The following CACNA1E variants were observed in gnomAD, a reference collection of about 807,000 sequenced individuals.
CACNA1E encodes voltage-dependent R-type calcium channel subunit alpha-1E.
In CACNA1E, 40 loss-of-function variants were observed where a neutral mutation model predicts 259.2. That is an observed-to-expected ratio of 0.15 (90% CI 0.12 to 0.20). The LOEUF (loss-of-function observed/expected upper bound fraction) is 0.20, where lower values mean the gene tolerates loss of function less well. CACNA1E is among the 10% of genes least tolerant of loss of function. The probability of loss-of-function intolerance (pLI) is 1.00; values close to 1 mark genes in which losing one functional copy is unlikely to be tolerated. For synonymous variants in CACNA1E, 1,104 were observed against 1,138.5 expected, an observed-to-expected ratio of 0.97 and a Z score of 0.61; for missense variants, 1,874 against 3,040.1, an observed-to-expected ratio of 0.62 and a Z score of 9.02.
At chr1:181,514,285 A>G (rs1211200231) in intron 3 of CACNA1E, among the ~76,000 whole-genome samples, 1 of 152,216 alleles carries the variant, frequency 6.6e-6, no homozygotes, top group African/African-American at 2.4e-5. Flanking sequence ...TCTTAGTGCT[A>G]CATAAAATTA....
chr1:181,500,926 G>A (rs1354842077), intron 1 of CACNA1E, among the ~76,000 whole-genome samples: 1 of 152,112 alleles, frequency 6.6e-6, no homozygotes, highest in East Asian at 1.9e-4. Flanking sequence ...TATGAAGTGG[G>A]GTGTAGTCTT....
At chr1:181,603,321 G>T (rs1653913316) in intron 6 of CACNA1E, among the ~76,000 whole-genome samples, 1 of 152,142 alleles carries the variant, frequency 6.6e-6, no homozygotes, top group African/African-American at 2.4e-5. Context: ...GAAAACCAAG[G>T]CTGCCTGTCT....
At chr1:181,681,499 C>T (rs952778597) in intron 7 of CACNA1E, among the ~76,000 whole-genome samples, 8 of 152,204 alleles carry the variant, frequency 5.3e-5, no homozygotes, top group African/African-American at 1.9e-4. Flanking sequence ...TCCTGTCACA[C>T]CCAGGTTTCT....
intron 7 of CACNA1E, among the ~76,000 whole-genome samples, chr1:181,652,654 A>G (rs972858553): frequency 6.6e-6 from 1 of 152,194 alleles, no homozygotes; most frequent in African/African-American, 2.4e-5. Context: ...GAGCTGGGGT[A>G]GGCGTGGTGC....
intron 6 of CACNA1E, among the ~76,000 whole-genome samples, chr1:181,619,937 T>A (rs1307780475): frequency 6.6e-6 from 1 of 151,988 alleles, no homozygotes; most frequent in Non-Finnish European, 1.5e-5. Context: ...AAGTTGGAGG[T>A]GGCTACTAGA....
intron 3 of CACNA1E, among the ~76,000 whole-genome samples, chr1:181,563,783 A>G (rs1472623427): frequency 1.3e-5 from 2 of 152,196 alleles, no homozygotes; most frequent in Non-Finnish European, 2.9e-5. Flanking sequence ...TTTTTCATGT[A>G]CAAGGATACC....
In CACNA1E at chr1:181,673,232, G is replaced by A. The variant is rs990928652; in HGVS notation, c.1055+21791G>A. On this transcript the variant is annotated intron_variant, in intron 7 of 47. Transcript: ENST00000367573. Reference sequence around the variant, plus strand: ...TGTATGTATATGAGTATGTGTGTGTGTGTGTGTGTGTATTTTTCCCCCATC... The same window carrying A: ...TGTATGTATATGAGTATGTGTGTGTATGTGTGTGTGTATTTTTCCCCCATC... Among the ~76,000 whole-genome samples, 42 of 152,014 alleles carry A rather than the reference G, an allele frequency of 2.8e-4. No individual in the cohort carries two copies. The South Asian group carries it at 8.5e-3, about 31-fold the overall frequency.
chr1:181,770,315 G>C (rs541275361), intron 35 of CACNA1E, among the ~76,000 whole-genome samples: 1 of 152,304 alleles, frequency 6.6e-6, no homozygotes, highest in Admixed American at 6.5e-5. Flanking sequence ...TGGGGAAGGA[G>C]GGTGCATGTG....
Position 181,783,729 on chromosome 1 carries a change from C to T in CACNA1E, c.5415C>T (p.Phe1805=). The change falls in exon 40 of 48, where the codon TTC becomes TTT. Residue 1805 remains phenylalanine, a synonymous_variant. Transcript: ENST00000367573. ...MPVAEDMTVH[F]TSTLMALIRT... ...TAGCTGAGGACATGACGGTCCACTTCACCTCCACACTTATGGCTCTGATCC... is the reference window on the plus strand; with the variant it reads ...TAGCTGAGGACATGACGGTCCACTTTACCTCCACACTTATGGCTCTGATCC... 1 of 1,612,980 alleles carries T rather than the reference C, an allele frequency of 6.2e-7. No homozygotes were observed. Among genetic ancestry groups the T allele is most frequent in the Non-Finnish European group, 8.5e-7 (1 of 1,179,526 alleles).
At position 181,377,515 on chromosome 1, in the gene CACNA1E, A is replaced by G. The variant is rs532892855; in HGVS notation, c.-14-35618A>G. 3.9e-5 allele frequency among the ~76,000 whole-genome samples: 6 copies of G among 152,282 alleles called. No homozygotes were observed. The East Asian group carries it at 9.6e-4, about 24-fold the overall frequency. ...TATGTGGGGAGCCATCAGGGGTTTT[A>G]CAGCAGGGATGAAATAGGATAAAAC... On this transcript the variant is annotated intron_variant, in intron 1 of 11. Coordinates refer to the CACNA1E transcript ENST00000524607.
chr1:181,500,600 G>A (rs1382511963), intron 1 of CACNA1E, among the ~76,000 whole-genome samples: 1 of 152,218 alleles, frequency 6.6e-6, no homozygotes, highest in Admixed American at 6.5e-5. Flanking sequence ...TGGGTACTCT[G>A]CACATTGGGT....
chr1:181,620,743 G>A (rs1655649206), intron 6 of CACNA1E, among the ~76,000 whole-genome samples: 1 of 152,218 alleles, frequency 6.6e-6, no homozygotes, highest in Admixed American at 6.5e-5. Flanking sequence ...GCATGAAATA[G>A]TTCATATGAG....
At chr1:181,660,991 G>A (rs548178492) in intron 7 of CACNA1E, among the ~76,000 whole-genome samples, 1 of 152,324 alleles carries the variant, frequency 6.6e-6, no homozygotes, top group South Asian at 2.1e-4. Flanking sequence ...TCTAGGAAGA[G>A]ATAGCAACAG....
intron 1 of CACNA1E, among the ~76,000 whole-genome samples, chr1:181,372,824 A>AT (rs1457214737): frequency 9.5e-4 from 123 of 129,486 alleles, no homozygotes; most frequent in African/African-American, 3.7e-3. Context: ...ATATATATAT[A>AT]TATATTTTTT....
rs1558377907 is a variant in CACNA1E at position 181,776,078 on chromosome 1, C to T, written c.5140-23C>T. ...CTCTGCTTTAGGTTTCCCCTAACCC[C>T]TCTTCTTCCCCTTGCCCTTCAGATG... On this transcript the variant is annotated intron_variant, in intron 37 of 47. Transcript: ENST00000367573. The surrounding 1 kb of genome is among the most constrained non-coding windows in gnomAD (Gnocchi z 4.4). The T allele has an allele frequency of 3.7e-6, 6 of 1,606,970 alleles. No individual in the cohort carries two copies. Among genetic ancestry groups the T allele is most frequent in the Non-Finnish European group, 5.1e-6 (6 of 1,175,880 alleles).
chr1:181,396,688 GC>G (rs1234866183), intron 1 of CACNA1E, among the ~76,000 whole-genome samples: 1 of 152,216 alleles, frequency 6.6e-6, no homozygotes, highest in African/African-American at 2.4e-5. Context: ...AATTGCTGGA[GC>G]CTGGTCCTGA....
intron 6 of CACNA1E, among the ~76,000 whole-genome samples, chr1:181,604,744 T>G (rs1654068665): frequency 6.6e-6 from 1 of 152,168 alleles, no homozygotes; most frequent in South Asian, 2.1e-4. Flanking sequence ...ATATCTTAGC[T>G]GGAGGAGGAG....
intron 3 of CACNA1E, among the ~76,000 whole-genome samples, chr1:181,573,345 A>G (rs1231181668): frequency 6.6e-6 from 1 of 152,200 alleles, no homozygotes; most frequent in Admixed American, 6.5e-5. Context: ...CTAGACTGAG[A>G]ATCAAGGGCC....
At chr1:181,768,920 G>A (rs1345777097) in intron 35 of CACNA1E, among the ~76,000 whole-genome samples, 3 of 152,196 alleles carry the variant, frequency 2.0e-5, no homozygotes, top group Admixed American at 1.3e-4. Flanking sequence ...AATATTAATA[G>A]CAACAAGGTA....
Sources: gnomAD v4.1 joint callset for allele counts (sites outside exome capture counted in the v4.1 genomes callset) on GRCh38, gnomAD v4.1.1 for gene constraint, Gnocchi (gnomAD v3.1) non-coding constraint, MANE v1.5 for transcripts, NCBI Gene and HGNC (gene_info 2026-07-23, HGNC 2026-07-21) for gene names.